The following COL15A1 variants were observed in gnomAD, a reference collection of about 807,000 sequenced individuals.
COL15A1 encodes collagen type XV alpha 1 chain, also known as collagen alpha-1(XV) chain.
Under a neutral mutation model 165.9 loss-of-function variants are expected in COL15A1, and 111 were observed. That is an observed-to-expected ratio of 0.67 (90% CI 0.57 to 0.78). The LOEUF is 0.78. Among genes scored for constraint, COL15A1 ranks in the 30% least tolerant of loss-of-function variants. The pLI, the probability that COL15A1 is intolerant of heterozygous loss-of-function variation, is 0.00. For synonymous variants in COL15A1, 659 were observed against 674.8 expected, an observed-to-expected ratio of 0.98 and a Z score of 0.36; for missense variants, 1,745 against 1,789.7, an observed-to-expected ratio of 0.98 and a Z score of 0.45.
intron 11 of COL15A1, among the ~76,000 whole-genome samples, chr9:99,019,606 C>G (rs1476969678): frequency 6.6e-6 from 1 of 151,208 alleles, no homozygotes; most frequent in Non-Finnish European, 1.5e-5. Flanking sequence ...GACTCTAGGT[C>G]AGTTTGAATC....
At chr9:99,052,548 C>A in intron 31 of COL15A1, 115 bp downstream of exon 31, 2 of 859,060 alleles carry the variant, frequency 2.3e-6, no homozygotes, top group South Asian at 1.4e-5. Context: ...TAACTGGATG[C>A]TGTAGGGGTG....
intron 24 of COL15A1, among the ~76,000 whole-genome samples, chr9:99,042,775 G>A (rs1355807308): frequency 1.3e-5 from 2 of 152,230 alleles, no homozygotes; most frequent in Non-Finnish European, 2.9e-5. Flanking sequence ...AGAACTCCCA[G>A]GGTACCAAAC....
chr9:99,040,085 C>A (rs79977830), intron 22 of COL15A1, among the ~76,000 whole-genome samples: 2,015 of 152,276 alleles, frequency 0.013, 45 homozygotes, highest in African/African-American at 0.045. Context: ...CTATGAAAAC[C>A]AATAATCCAA....
rs549554100 is a variant in COL15A1 at position 98,963,457 on chromosome 9, G to T, written c.100+19207G>T. Among the ~76,000 whole-genome samples the T allele has an allele frequency of 5.9e-5, 9 of 152,276 alleles. No individual in the cohort carries two copies. The South Asian group carries it at 1.7e-3, about 28-fold the overall frequency. On this transcript the variant is annotated intron_variant, in intron 2 of 41. Transcript: ENST00000375001. ...ATTTTAGCGATGTGACTCCCAACAG[G>T]TTCCTTGTTCTAGAACTGGGTCTGG...
chr9:99,011,406 G>GAA (rs774837414), intron 9 of COL15A1, among the ~76,000 whole-genome samples: 41 of 46,828 alleles, frequency 8.8e-4, no homozygotes, highest in South Asian at 1.8e-3. Context: ...CCCTCTTTCT[G>GAA]AAAAAAAAAA....
intron 39 of COL15A1, among the ~76,000 whole-genome samples, chr9:99,066,423 C>T (rs1418462874): frequency 6.6e-6 from 1 of 152,008 alleles, no homozygotes; most frequent in Non-Finnish European, 1.5e-5. Flanking sequence ...CAGGCCTATC[C>T]AGGAGATGGA....
chr9:99,055,578 T>C (rs1276213965), intron 34 of COL15A1, among the ~76,000 whole-genome samples: 1 of 152,214 alleles, frequency 6.6e-6, no homozygotes, highest in African/African-American at 2.4e-5. Flanking sequence ...CAAGGCCACA[T>C]GAAGGTAGGT....
At chr9:98,982,170 G>A (rs1838244480) in intron 2 of COL15A1, among the ~76,000 whole-genome samples, 2 of 152,104 alleles carry the variant, frequency 1.3e-5, no homozygotes, top group South Asian at 4.1e-4. Flanking sequence ...CCAGGCTGAA[G>A]TGCAGTGGCA....
intron 28 of COL15A1, 144 bp downstream of exon 28, chr9:99,048,144 C>A (rs1588532998): frequency 2.9e-6 from 2 of 692,498 alleles, no homozygotes. Context: ...TCCTCCCACC[C>A]AGCCCTGTCC....
intron 7 of COL15A1, among the ~76,000 whole-genome samples, chr9:99,001,910 T>G (rs894994237): frequency 2.0e-5 from 3 of 152,180 alleles, no homozygotes; most frequent in Non-Finnish European, 4.4e-5. Flanking sequence ...ATTCCATAGT[T>G]TGCCTTGTAA....
chr9:99,044,592 ATCCTGACAGAGGACAT>A lies in COL15A1; in HGVS notation c.2604_2619del (p.Thr869TrpfsTer4). The A allele has an allele frequency of 6.2e-7, 1 of 1,614,162 alleles. No homozygotes were observed. Among genetic ancestry groups the A allele is most frequent in the Non-Finnish European group, 8.5e-7 (1 of 1,180,036 alleles). ...GGGCGAGAAGGGAGAGCCGGGTGCC[ATCCTGACAGAGGACAT>A]TCCTCTGGAAAGGCTGATGGGGAAA... On this transcript the variant is annotated frameshift_variant, in exon 25 of 42. Coordinates refer to ENST00000375001, the MANE Select transcript of COL15A1 (RefSeq NM_001855.5). LOFTEE classifies it high-confidence loss of function.
At chr9:98,989,828 A>C (rs1838385065) in intron 5 of COL15A1, among the ~76,000 whole-genome samples, 1 of 152,108 alleles carries the variant, frequency 6.6e-6, no homozygotes, top group Non-Finnish European at 1.5e-5. Context: ...GGCAATCCTA[A>C]CTTCCAGTGG....
chr9:98,987,048 G>A (rs1838327608), intron 3 of COL15A1, among the ~76,000 whole-genome samples: 1 of 152,110 alleles, frequency 6.6e-6, no homozygotes, highest in South Asian at 2.1e-4. Flanking sequence ...GTGCACACTT[G>A]AACACAATGC....
chr9:98,969,187 G>A (rs2118830965), intron 2 of COL15A1, among the ~76,000 whole-genome samples: 1 of 152,284 alleles, frequency 6.6e-6, no homozygotes, highest in South Asian at 2.1e-4. Flanking sequence ...GCCTTTCATG[G>A]CAATTCTAAG....
rs187553180 is a variant in COL15A1, at chr9:99,056,123, T to A, written c.3193-137T>A. 7.5e-5 allele frequency: 71 copies of A among 940,954 alleles called. No homozygotes were observed. The African/African-American group carries it at 9.7e-4, about 13-fold the overall frequency. 58.3% of individuals were successfully genotyped at this position (940,954 alleles called of 1,614,324 possible). On this transcript the variant is annotated intron_variant, in intron 34 of 41. Transcript: ENST00000375001. ...TTGGAGGCCTTACCCCACCTTGAATTGTGCCCAAGATTGAGGATAGTAATA... is the reference window on the plus strand; with the variant it reads ...TTGGAGGCCTTACCCCACCTTGAATAGTGCCCAAGATTGAGGATAGTAATA...
intron 16 of COL15A1, among the ~76,000 whole-genome samples, chr9:99,028,248 TATA>T (rs1379351243): frequency 6.6e-6 from 1 of 152,152 alleles, no homozygotes; most frequent in Admixed American, 6.5e-5. Flanking sequence ...ATGTTTTTTA[TATA>T]ATAATTATTA....
intron 10 of COL15A1, 131 bp from the exon 11 acceptor site, chr9:99,015,845 T>C: frequency 4.5e-6 from 5 of 1,102,046 alleles, no homozygotes; most frequent in African/African-American, 1.5e-5. Context: ...AGGGGTGTGC[T>C]GGGGGTAACG....
chr9:99,013,919 C>T (rs897805732), intron 9 of COL15A1, among the ~76,000 whole-genome samples: 17 of 151,338 alleles, frequency 1.1e-4, no homozygotes, highest in African/African-American at 3.2e-4. Flanking sequence ...GAAAAGTAAA[C>T]GAAAGAAAAA....
chr9:99,026,019 A>G, intron 16 of COL15A1, 53 bp downstream of exon 16: 1 of 1,518,654 alleles, frequency 6.6e-7, no homozygotes, highest in South Asian at 1.3e-5. Context: ...GGCCCACACT[A>G]CTCTCTCTGA....
Sources: gnomAD v4.1 joint callset for allele counts (sites outside exome capture counted in the v4.1 genomes callset) on GRCh38, gnomAD v4.1.1 for gene constraint, MANE v1.5 for transcripts, NCBI Gene and HGNC (gene_info 2026-07-23, HGNC 2026-07-21) for gene names.